PARP1: variants seen among roughly 807,000 people sequenced by gnomAD.
PARP1 encodes poly [ADP-ribose] polymerase 1.
In PARP1, 44 loss-of-function variants were observed where a neutral mutation model predicts 118.7. That is an observed-to-expected ratio of 0.37 (90% CI 0.29 to 0.48). PARP1 has a LOEUF of 0.48. Ranked by LOEUF, PARP1 falls within the 20% of genes least tolerant of loss-of-function variation. The pLI is 0.99. For missense variants in PARP1, 1,100 were observed against 1,272.4 expected (o/e 0.86, Z 2.06); for synonymous variants, 492 against 483.2 (o/e 1.02, Z -0.24).
chr1:226,399,980 G>T (rs2102745964), intron 2 of PARP1, among the ~76,000 whole-genome samples: 1 of 152,296 alleles, frequency 6.6e-6, no homozygotes, highest in South Asian at 2.1e-4. Flanking sequence ...CCCAGCTTGG[G>T]TGACAGAGCG....
At chr1:226,377,920 A>AAT (rs3835703) in intron 12 of PARP1, among the ~76,000 whole-genome samples, 3,384 of 152,128 alleles carry the variant, frequency 0.022, 118 homozygotes, top group African/African-American at 0.07. Flanking sequence ...TTTCATAATA[A>AAT]ATATATATAT....
At chr1:226,377,330 A>G in intron 12 of PARP1, 27 bp from the exon 13 acceptor site, 1 of 1,578,532 alleles carries the variant, frequency 6.3e-7, no homozygotes, top group South Asian at 1.1e-5. Context: ...GGTGTCAGAT[A>G]CACATGTGTG....
intron 5 of PARP1, among the ~76,000 whole-genome samples, chr1:226,387,693 G>C (rs970317446): frequency 4.6e-5 from 7 of 152,168 alleles, no homozygotes; most frequent in Admixed American, 2.0e-4. Flanking sequence ...GGTGACCAAG[G>C]GGGGAGAGCC....
At chr1:226,363,644 TG>T (rs1469717422) in intron 20 of PARP1, among the ~76,000 whole-genome samples, 2 of 152,210 alleles carry the variant, frequency 1.3e-5, no homozygotes, top group African/African-American at 4.8e-5. Flanking sequence ...GGAGGCGGCC[TG>T]GGGGATCATC....
At chr1:226,368,420 A>G in intron 15 of PARP1, 99 bp from the exon 16 acceptor site, 1 of 1,498,418 alleles carries the variant, frequency 6.7e-7, no homozygotes, top group Admixed American at 1.7e-5. Flanking sequence ...CAGCAGGTCC[A>G]GAAGTAGCGT....
At chr1:226,388,881 ACT>A (rs776615065) in intron 4 of PARP1, 126 bp from the exon 5 acceptor site, 3 of 786,882 alleles carry the variant, frequency 3.8e-6, no homozygotes, top group Non-Finnish European at 6.8e-6. Flanking sequence ...CACACTTGTC[ACT>A]CCCTAACCCC....
intron 12 of PARP1, 86 bp from the exon 13 acceptor site, chr1:226,377,389 C>T (rs925103227): frequency 1.9e-5 from 19 of 1,009,408 alleles, no homozygotes; most frequent in South Asian, 3.8e-5. Flanking sequence ...ATTACATTCA[C>T]GTGGGGAAGA....
chr1:226,362,092 C>A lies in PARP1; in HGVS notation c.2849-9G>T. ...GGTAGTTTTGCCCAAACCTGAAAAA[C>A]AGAAGTCACAAGTGACATGAACTGT... On this transcript the variant is annotated splice_polypyrimidine_tract_variant and intron_variant, in intron 21 of 22. Coordinates refer to ENST00000366794, the MANE Select transcript of PARP1 (RefSeq NM_001618.4). 1 of 1,526,682 alleles carries A rather than the reference C, an allele frequency of 6.6e-7. No individual in the cohort carries two copies. The highest frequency in any genetic ancestry group is 1.1e-5 in the South Asian group (1 of 89,234). The allele number at this position is 1,526,682 out of a possible 1,614,324, so 94.6% of individuals were successfully genotyped here. A position where few individuals can be genotyped will look rare whatever the true frequency, so the allele number is the denominator to read the frequency against.
chr1:226,399,483 A>G (rs1049967094), intron 2 of PARP1, among the ~76,000 whole-genome samples: 1 of 152,212 alleles, frequency 6.6e-6, no homozygotes, highest in Admixed American at 6.5e-5. Flanking sequence ...ACTATGGAGA[A>G]AGCAAAAAGA....
chr1:226,390,289 C>T, intron 4 of PARP1, 121 bp downstream of exon 4: 1 of 886,650 alleles, frequency 1.1e-6, no homozygotes, highest in Non-Finnish European at 1.9e-6. Flanking sequence ...GTTTGCATCT[C>T]CCTGGCTTAC....
Position 226,388,673 on chromosome 1 carries a change from G to A in PARP1, c.700C>T (p.Leu234Phe), listed in dbSNP as rs926296153. The A allele has an allele frequency of 6.2e-7, 1 of 1,612,578 alleles. No individual in the cohort carries two copies. The highest frequency in any genetic ancestry group is 1.7e-5 in the Admixed American group (1 of 60,028). ...SKKEKDKDSK[L>F]EKALKAQNDL... is the part of the protein sequence containing the mutation. ...GAACTCACCTTTAGGGCTTTTTCAAGCTTACTATCCTTGTCTTTTTCTTTT... is the reference window on the plus strand; with the variant it reads ...GAACTCACCTTTAGGGCTTTTTCAAACTTACTATCCTTGTCTTTTTCTTTT... Residue 234 changes from leucine (L) to phenylalanine (F), a missense_variant, in exon 5 of 23, where the codon CTT becomes TTT. This residue lies in a region of PARP1 where 948 missense variants were observed against 1,031.8 expected (regional missense o/e 0.92). Coordinates refer to ENST00000366794, the MANE Select transcript of PARP1 (RefSeq NM_001618.4).
Position 226,370,497 on chromosome 1 carries a change from G to A in PARP1, c.2091C>T (p.Pro697=). The A allele has an allele frequency of 6.2e-7, 1 of 1,613,894 alleles. No individual in the cohort carries two copies. Among genetic ancestry groups the A allele is most frequent in the Non-Finnish European group, 8.5e-7 (1 of 1,179,854 alleles). The change falls in exon 15 of 23, where the codon CCC becomes CCT. Residue 697 remains proline (P), a synonymous_variant. Transcript: ENST00000366794. ...TCTGCCTTTTGCTCAGCTTCCCCAA[G>A]GGCATCTTCTGAAGGTCGATCTGAG... ...VEYEIDLQKM[P]LGKLSKRQIQ... is the part of the protein sequence containing the mutation.
At chr1:226,371,315 C>T (rs1664378310) in intron 14 of PARP1, among the ~76,000 whole-genome samples, 1 of 152,192 alleles carries the variant, frequency 6.6e-6, no homozygotes. Flanking sequence ...CTTCTGAGCT[C>T]CCTGGGGGCC....
Position 226,361,467 on chromosome 1 carries a change from A to C in PARP1, c.3038T>G (p.Leu1013Arg). The C allele has an allele frequency of 1.2e-6, 2 of 1,605,372 alleles. No homozygotes were observed. The highest frequency in any genetic ancestry group is 1.7e-6 in the Non-Finnish European group (2 of 1,172,062). Residue 1013 changes from leucine to arginine, a missense_variant, in exon 23 of 23, where the codon CTG becomes CGG. By Grantham distance (102) the Leu-to-Arg change is moderately radical (BLOSUM62 -2). Around this residue, in one of 2 missense-constraint regions of PARP1, gnomAD observed 152 missense variants for 240.6 expected, o/e 0.63. Coordinates refer to ENST00000366794, the MANE Select transcript of PARP1 (RefSeq NM_001618.4). The stretch of plus-strand genomic sequence containing the variant: ...CTCGGCTACCTCTCCCAATTACCAC[A>C]GGGAGGTCTTAAAATTGAATTTCAG... ...LKLKFNFKTS[L>R]W
At chr1:226,365,522 T>G (rs1664240191) in intron 18 of PARP1, among the ~76,000 whole-genome samples, 1 of 152,214 alleles carries the variant, frequency 6.6e-6, no homozygotes, top group African/African-American at 2.4e-5. Flanking sequence ...ATCCCAGCAC[T>G]TTGGGAGGCC....
chr1:226,379,426 G>T (rs894450892), intron 11 of PARP1, 147 bp downstream of exon 11: 7 of 1,188,526 alleles, frequency 5.9e-6, no homozygotes, highest in South Asian at 4.9e-5. Flanking sequence ...TCTCAGGACT[G>T]GGGGAGCTGG....
chr1:226,385,071 G>A (rs3219059), intron 7 of PARP1, among the ~76,000 whole-genome samples: 1 of 152,176 alleles, frequency 6.6e-6, no homozygotes, highest in African/African-American at 2.4e-5. Flanking sequence ...AAAAAAGAGA[G>A]AACGTGCGAT....
At chr1:226,388,328 G>C (rs913938669) in intron 5 of PARP1, among the ~76,000 whole-genome samples, 1 of 152,198 alleles carries the variant, frequency 6.6e-6, no homozygotes, top group Non-Finnish European at 1.5e-5. Context: ...AAAGGTGCAG[G>C]GTGTACAGTT....
chr1:226,367,120 G>A (rs991648119), intron 17 of PARP1: 3 of 321,298 alleles, frequency 9.3e-6, no homozygotes, highest in Non-Finnish European at 6.0e-6. Flanking sequence ...AAAAGTTCAC[G>A]CTACAAGGGT....
Sources: gnomAD v4.1 joint callset for allele counts (sites outside exome capture counted in the v4.1 genomes callset) on GRCh38, gnomAD v4.1.1 for gene constraint, gnomAD v4.1.1 regional missense constraint, MANE v1.5 for transcripts, NCBI Gene and HGNC (gene_info 2026-07-23, HGNC 2026-07-21) for gene names.